Variants in FARS2 observed in about 807,000 individuals in gnomAD.
The protein encoded by FARS2 is phenylalanyl-tRNA synthetase 2, mitochondrial, also known as phenylalanine--tRNA ligase, mitochondrial.
FARS2 carries 40 observed loss-of-function variants against 46.4 expected under a neutral mutation model. The ratio of observed to expected loss-of-function variants is 0.86; its 90% CI spans 0.67 to 1.12. FARS2 has a LOEUF of 1.12. Ranked by LOEUF, FARS2 falls within the 50% of genes most tolerant of loss-of-function variation. The pLI, the probability that FARS2 is intolerant of heterozygous loss-of-function variation, is 0.00. For missense variants in FARS2, 513 were observed against 567.9 expected, an observed-to-expected ratio of 0.90 and a Z score of 0.98; for synonymous variants, 234 against 214.9, an observed-to-expected ratio of 1.09 and a Z score of -0.78.
intron 4 of FARS2, among the ~76,000 whole-genome samples, chr6:5,438,616 A>G (rs936578517): frequency 4.6e-5 from 7 of 152,054 alleles, no homozygotes; most frequent in African/African-American, 1.7e-4. Flanking sequence ...TTTACCTCAT[A>G]GAGCAAAGTG....
rs398000284 is a variant in FARS2, at chr6:5,405,480, CTTT to C, written c.772+802_772+804del. 4.6e-3 allele frequency among the ~76,000 whole-genome samples: 271 copies of C among 58,922 alleles called. 2 individuals are homozygous for C. Among genetic ancestry groups the C allele is most frequent in the Middle Eastern group, 0.017 (1 of 60 alleles). 38.7% of individuals were successfully genotyped at this position (58,922 alleles called of 152,430 possible). On this transcript the variant is annotated intron_variant, in intron 3 of 6. Transcript: ENST00000274680. The stretch of plus-strand genomic sequence containing the variant: ...AGGACGTGATCAGTGGAGCAAGGTT[CTTT>C]TTTTTTTTTTTTTTTTTTTTTTGAG...
chr6:5,758,792 T>C (rs1310764661), intron 6 of FARS2, among the ~76,000 whole-genome samples: 2 of 152,164 alleles, frequency 1.3e-5, no homozygotes, highest in Non-Finnish European at 2.9e-5. Context: ...CAATTTAAAG[T>C]TGCCCCCTGA....
At chr6:5,700,976 G>A (rs572845111) in intron 6 of FARS2, among the ~76,000 whole-genome samples, 8 of 152,264 alleles carry the variant, frequency 5.3e-5, no homozygotes, top group Non-Finnish European at 8.8e-5. Flanking sequence ...TTTTATTCGC[G>A]CAAGGTGTTA....
rs182973439 is a variant in FARS2 at position 5,763,678 on chromosome 6, A to G, written c.1218-7613A>G. Among the ~76,000 whole-genome samples, 334 of 151,992 alleles carry G rather than the reference A, an allele frequency of 2.2e-3. 2 individuals carry two copies. The highest frequency in any genetic ancestry group is 2.9e-3 in the South Asian group (14 of 4,814). On this transcript the variant is annotated intron_variant, in intron 6 of 6. Transcript: ENST00000274680. Reference sequence around the variant, plus strand: ...CTCCAGGCCTGTGTCCTCTTCTTGCATTAAGCCCAGAGCAGTTCATTAGGA... The same window carrying G: ...CTCCAGGCCTGTGTCCTCTTCTTGCGTTAAGCCCAGAGCAGTTCATTAGGA...
At chr6:5,667,864 G>A (rs1158042623) in intron 6 of FARS2, among the ~76,000 whole-genome samples, 1 of 152,194 alleles carries the variant, frequency 6.6e-6, no homozygotes, top group Non-Finnish European at 1.5e-5. Flanking sequence ...AAAGACAGGT[G>A]CTATTTCCTC....
At chr6:5,257,025 G>A (rs539502957), upstream of FARS2, among the ~76,000 whole-genome samples, 17 of 151,966 alleles carry the variant, frequency 1.1e-4, no homozygotes, top group African/African-American at 4.1e-4. Flanking sequence ...CCTTACTAGC[G>A]TCCTAATCTC....
intron 4 of FARS2, among the ~76,000 whole-genome samples, chr6:5,504,508 AC>A (rs1767994248): frequency 6.6e-6 from 1 of 151,606 alleles, no homozygotes; most frequent in Admixed American, 6.6e-5. Flanking sequence ...CTTATCACTT[AC>A]CCTTAGGTGT....
chr6:5,742,489 C>G (rs1344729522), intron 6 of FARS2, among the ~76,000 whole-genome samples: 1 of 152,166 alleles, frequency 6.6e-6, no homozygotes, highest in Non-Finnish European at 1.5e-5. Flanking sequence ...GTAGTACCTT[C>G]TAAGCCCTGA....
chr6:5,289,295 C>T (rs1767342637), intron 1 of FARS2, among the ~76,000 whole-genome samples: 1 of 152,196 alleles, frequency 6.6e-6, no homozygotes. Flanking sequence ...CCAAATCAGG[C>T]ACTGGTTTTG....
At chr6:5,585,516 C>A (rs900689077) in intron 5 of FARS2, among the ~76,000 whole-genome samples, 7 of 151,948 alleles carry the variant, frequency 4.6e-5, no homozygotes, top group African/African-American at 1.5e-4. Context: ...CTACTCTTTG[C>A]TTCAGTTAGT....
intron 3 of FARS2, among the ~76,000 whole-genome samples, chr6:5,405,923 T>A (rs1761566046): frequency 1.3e-5 from 2 of 152,206 alleles, no homozygotes; most frequent in African/African-American, 2.4e-5. Context: ...AACAGTATAT[T>A]TCGTGCAGGA....
At position 5,349,937 on chromosome 6, in the gene FARS2, C is replaced by T. The variant is rs62386901; in HGVS notation, c.-21-18613C>T. Among the ~76,000 whole-genome samples, 1,073 of 151,026 alleles carry T rather than the reference C, an allele frequency of 7.1e-3. 5 individuals are homozygous for T. The highest frequency in any genetic ancestry group is 0.011 in the Non-Finnish European group (775 of 67,860). ...TAAAGGGCCATTATTTTCATCACAG[C>T]GTATCATGGGTCCATTACTATCAAC... On this transcript the variant is annotated intron_variant, in intron 1 of 6. Transcript: ENST00000274680.
At chr6:5,350,215 C>T (rs1393239082) in intron 1 of FARS2, among the ~76,000 whole-genome samples, 1 of 148,672 alleles carries the variant, frequency 6.7e-6, no homozygotes, top group Non-Finnish European at 1.5e-5. Context: ...ACTATGTTGC[C>T]CAGGCTGATC....
At chr6:5,526,627 T>C (rs114089470) in intron 4 of FARS2, among the ~76,000 whole-genome samples, 4,305 of 152,242 alleles carry the variant, frequency 0.028, 177 homozygotes, top group African/African-American at 0.098. Flanking sequence ...CTTTCCTTTT[T>C]TGTTTTTTGA....
intron 2 of FARS2, among the ~76,000 whole-genome samples, chr6:5,380,434 T>C (rs1356963488): frequency 6.6e-6 from 1 of 152,210 alleles, no homozygotes; most frequent in Non-Finnish European, 1.5e-5. Context: ...GAAATTATGC[T>C]CTTTAACAGT....
chr6:5,702,687 C>T (rs1392604771), intron 6 of FARS2, among the ~76,000 whole-genome samples: 2 of 152,198 alleles, frequency 1.3e-5, no homozygotes, highest in African/African-American at 4.8e-5. Flanking sequence ...ACACTCATCT[C>T]ACGTTTCCTA....
intron 6 of FARS2, among the ~76,000 whole-genome samples, chr6:5,715,994 A>G (rs372452102): frequency 3.7e-4 from 56 of 152,264 alleles, no homozygotes; most frequent in African/African-American, 1.3e-3. Context: ...CTTTTTTATT[A>G]TAGCCATCCT....
intron 4 of FARS2, among the ~76,000 whole-genome samples, chr6:5,465,019 G>A (rs1162000046): frequency 6.6e-6 from 1 of 152,174 alleles, no homozygotes; most frequent in Non-Finnish European, 1.5e-5. Context: ...GCGGAAGCTT[G>A]AACTGAGTTA....
chr6:5,516,326 A>G (rs971297060), intron 4 of FARS2, among the ~76,000 whole-genome samples: 2 of 152,240 alleles, frequency 1.3e-5, no homozygotes, highest in Admixed American at 6.5e-5. Context: ...GTGTAACAGT[A>G]TGTTCTCTGC....
Sources: gnomAD v4.1 joint callset for allele counts (sites outside exome capture counted in the v4.1 genomes callset) on GRCh38, gnomAD v4.1.1 for gene constraint, MANE v1.5 for transcripts, NCBI Gene and HGNC (gene_info 2026-07-23, HGNC 2026-07-21) for gene names.